NTRK3: variants seen among roughly 807,000 people sequenced by gnomAD.
NTRK3 encodes the protein neurotrophic receptor tyrosine kinase 3.
Under a neutral mutation model 91.7 loss-of-function variants are expected in NTRK3, and 24 were observed. That is an observed-to-expected ratio of 0.26 (90% CI 0.19 to 0.37). The LOEUF is 0.37. Ranked by LOEUF, NTRK3 falls within the 10% of genes least tolerant of loss-of-function variation. NTRK3 has a pLI of 1.00. For synonymous variants in NTRK3, 483 were observed against 404.0 expected (o/e 1.20, Z -2.34); for missense variants, 880 against 1,068.9 (o/e 0.82, Z 2.46).
At chr15:88,155,965 T>G (rs953317075) in intron 5 of NTRK3, among the ~76,000 whole-genome samples, 1 of 152,084 alleles carries the variant, frequency 6.6e-6, no homozygotes, top group Non-Finnish European at 1.5e-5. Flanking sequence ...TAGCCATGAG[T>G]GGCCAAAGGC....
chr15:87,979,198 T>A (rs774250784), intron 14 of NTRK3: 198 of 722,764 alleles, frequency 2.7e-4, no homozygotes, highest in Non-Finnish European at 4.3e-4. Context: ...CATCTGGTGG[T>A]GTTAAAGGGT....
At chr15:88,208,001 G>C (rs61332567) in intron 3 of NTRK3, among the ~76,000 whole-genome samples, 99 of 152,258 alleles carry the variant, frequency 6.5e-4, no homozygotes, top group African/African-American at 2.3e-3. Flanking sequence ...AAAGGCATGA[G>C]GCAAGTAAGG....
intron 17 of NTRK3, among the ~76,000 whole-genome samples, chr15:87,912,007 C>A (rs2067113545): frequency 6.6e-6 from 1 of 152,182 alleles, no homozygotes; most frequent in African/African-American, 2.4e-5. Context: ...TAGGACAATA[C>A]TCCTCAACTC....
chr15:87,964,790 T>C (rs1237752735), intron 14 of NTRK3, among the ~76,000 whole-genome samples: 1 of 152,228 alleles, frequency 6.6e-6, no homozygotes, highest in African/African-American at 2.4e-5. Context: ...CTGAGATTCA[T>C]TCATGTTGTA....
intron 17 of NTRK3, among the ~76,000 whole-genome samples, chr15:87,918,442 G>T (rs1259529138): frequency 6.6e-6 from 1 of 152,150 alleles, no homozygotes; most frequent in Non-Finnish European, 1.5e-5. Context: ...CACCGTTCTA[G>T]ATCATTCTTC....
rs529755065 is a variant in NTRK3, at chr15:88,249,032, C to T, written c.248+6874G>A. 5.3e-5 allele frequency among the ~76,000 whole-genome samples: 8 copies of T among 152,260 alleles called. No individual in the cohort carries two copies. The South Asian group carries it at 1.5e-3, about 28-fold the overall frequency. ...TAGGGAGAGGCCATGCCTGGAGGAGCTGCTGGGAAAACTGGGCTTAGGAAA... is the reference window on the plus strand; with the variant it reads ...TAGGGAGAGGCCATGCCTGGAGGAGTTGCTGGGAAAACTGGGCTTAGGAAA... On this transcript the variant is annotated intron_variant, in intron 3 of 18. Coordinates refer to ENST00000394480, the Ensembl canonical transcript of NTRK3.
At chr15:87,979,447 C>A in intron 14 of NTRK3, 1 of 1,605,118 alleles carries the variant, frequency 6.2e-7, no homozygotes, top group Non-Finnish European at 8.5e-7. Flanking sequence ...TTGGATTCAA[C>A]ATAATTTCTC....
intron 5 of NTRK3, among the ~76,000 whole-genome samples, chr15:88,170,896 T>C: frequency 6.6e-6 from 1 of 152,158 alleles, no homozygotes; most frequent in East Asian, 1.9e-4. Context: ...CAGGTCACCC[T>C]ATCACAGAGA....
Position 88,190,049 on chromosome 15 carries a change from G to A in NTRK3, c.249-5750C>T, listed in dbSNP as rs142288716. Among the ~76,000 whole-genome samples, 27 of 152,224 alleles carry A rather than the reference G, an allele frequency of 1.8e-4. No homozygotes were observed. The East Asian group carries it at 4.3e-3, about 24-fold the overall frequency. On this transcript the variant is annotated intron_variant, in intron 3 of 18. Transcript: ENST00000394480. Reference sequence around the variant, plus strand: ...ACAGGGACAAGGCACCCTTTACCTGGCAGAACTTCCCTGGGCACTTGGCAA... The same window carrying A: ...ACAGGGACAAGGCACCCTTTACCTGACAGAACTTCCCTGGGCACTTGGCAA...
At chr15:87,981,424 T>C (rs2074258498) in intron 14 of NTRK3, 3 of 1,612,446 alleles carry the variant, frequency 1.9e-6, no homozygotes, top group Non-Finnish European at 2.5e-6. Context: ...GCAAAAAACA[T>C]GGGAAAGTAT....
chr15:87,995,768 C>A (rs1174268727), intron 14 of NTRK3, among the ~76,000 whole-genome samples: 1 of 152,194 alleles, frequency 6.6e-6, no homozygotes, highest in South Asian at 2.1e-4. Context: ...TCAGGCCATA[C>A]GGTCTCTGTT....
At chr15:88,140,504 CCATT>C (rs1250317703) in intron 6 of NTRK3, among the ~76,000 whole-genome samples, 1 of 152,184 alleles carries the variant, frequency 6.6e-6, no homozygotes, top group African/African-American at 2.4e-5. Flanking sequence ...TTTCAGAACT[CCATT>C]CACTCTCAAA....
intron 13 of NTRK3, among the ~76,000 whole-genome samples, chr15:88,111,458 A>G (rs138783650): frequency 6.6e-6 from 1 of 152,312 alleles, no homozygotes; most frequent in Non-Finnish European, 1.5e-5. Context: ...TTATTAACTG[A>G]TAAGAGGACA....
intron 5 of NTRK3, among the ~76,000 whole-genome samples, chr15:88,177,200 A>T (rs1332686149): frequency 6.6e-6 from 1 of 152,196 alleles, no homozygotes; most frequent in Non-Finnish European, 1.5e-5. Flanking sequence ...TGGCCATGGA[A>T]AGGGGCTTAG....
chr15:88,199,182 C>T (rs570106900), intron 3 of NTRK3, among the ~76,000 whole-genome samples: 1 of 152,208 alleles, frequency 6.6e-6, no homozygotes, highest in East Asian at 1.9e-4. Flanking sequence ...ACTTGGGGGG[C>T]TCAGGGAGCA....
At chr15:87,873,700 T>C (rs2064882065) in exon 19 of NTRK3, 2 of 231,962 alleles carry the variant, frequency 8.6e-6, no homozygotes, top group Non-Finnish European at 1.7e-5. Context: ...CACATTAGGC[T>C]CTTCATAAAT....
chr15:88,085,581 C>G (rs992986842), intron 13 of NTRK3, among the ~76,000 whole-genome samples: 2 of 152,222 alleles, frequency 1.3e-5, no homozygotes, highest in African/African-American at 2.4e-5. Context: ...AGCCAACCCA[C>G]AGGCCTGGGC....
intron 13 of NTRK3, among the ~76,000 whole-genome samples, chr15:88,100,624 A>G (rs1474632554): frequency 6.6e-6 from 1 of 152,204 alleles, no homozygotes; most frequent in African/African-American, 2.4e-5. Flanking sequence ...ATGGGTACTG[A>G]CCTTTCAGGC....
At chr15:88,187,171 A>G (rs1567609741) in intron 3 of NTRK3, among the ~76,000 whole-genome samples, 1 of 152,124 alleles carries the variant, frequency 6.6e-6, no homozygotes, top group Admixed American at 6.5e-5. Flanking sequence ...GGAAGTTGTC[A>G]TGTCTCAGCA....
Sources: allele counts gnomAD v4.1 joint callset (sites outside exome capture counted in the v4.1 genomes callset), GRCh38; gene constraint gnomAD v4.1.1; transcripts MANE v1.5; gene names NCBI Gene and HGNC (gene_info 2026-07-23, HGNC 2026-07-21).